The following TMEM132B variants were observed in gnomAD, a reference collection of about 807,000 sequenced individuals.
TMEM132B encodes the protein transmembrane protein 132B.
TMEM132B carries 18 observed loss-of-function variants against 90.8 expected under a neutral mutation model. That is an observed-to-expected ratio of 0.20 (90% CI 0.14 to 0.29). The LOEUF is 0.29. TMEM132B is among the 10% of genes least tolerant of loss of function. The pLI is 1.00. For synonymous variants in TMEM132B, 504 were observed against 523.3 expected (o/e 0.96, Z 0.50); for missense variants, 1,096 against 1,326.8 (o/e 0.83, Z 2.70).
In TMEM132B at chr12:125,576,621, T is replaced by A. The variant is rs1055911197; in HGVS notation, c.1294-7230T>A. On this transcript the variant is annotated intron_variant, in intron 4 of 8. Coordinates refer to ENST00000682704, the MANE Select transcript of TMEM132B (RefSeq NM_001366854.1). Reference sequence around the variant, plus strand: ...TGTTCTCCATAGATGGCCTTTATTATGTTGAGGAAGTTCCCATCAATTCCT... The same window carrying A: ...TGTTCTCCATAGATGGCCTTTATTAAGTTGAGGAAGTTCCCATCAATTCCT... Among the ~76,000 whole-genome samples, 2 of 152,086 alleles carry A rather than the reference T, an allele frequency of 1.3e-5. 1 individual carries two copies. Among genetic ancestry groups the A allele is most frequent in the South Asian group, 4.1e-4 (2 of 4,832 alleles).
rs190696651 is a variant in TMEM132B at position 125,413,655 on chromosome 12, C to T, written c.960-1876C>T. 7.2e-4 allele frequency among the ~76,000 whole-genome samples: 109 copies of T among 152,344 alleles called. 2 individuals are homozygous for T. The highest frequency in any genetic ancestry group is 1.2e-3 in the Admixed American group (19 of 15,304). On this transcript the variant is annotated intron_variant, in intron 2 of 8. Transcript: ENST00000682704. Reference sequence around the variant, plus strand: ...AGCATCACGTTATCGAGGTTCATCACGTAGCATGTGTCAGAACTTCATCCC... The same window carrying T: ...AGCATCACGTTATCGAGGTTCATCATGTAGCATGTGTCAGAACTTCATCCC...
Position 125,213,042 on chromosome 12 carries a change from C to T in TMEM132B, c.67+26176C>T, listed in dbSNP as rs898198887. ...TGTTTGGTTCCAGAGCATTTTCATCCTCCCAAATGGAAGTCCCGTACCCAC... is the reference window on the plus strand; with the variant it reads ...TGTTTGGTTCCAGAGCATTTTCATCTTCCCAAATGGAAGTCCCGTACCCAC... On this transcript the variant is annotated intron_variant, in intron 1 of 8. Coordinates refer to ENST00000682704, the MANE Select transcript of TMEM132B (RefSeq NM_001366854.1). This position sits in a 1 kb window ranked among gnomAD's most constrained non-coding sequence, Gnocchi z 4.2. Among the ~76,000 whole-genome samples, 1 of 152,168 alleles carries T rather than the reference C, an allele frequency of 6.6e-6. No individual in the cohort carries two copies. The highest frequency in any genetic ancestry group is 1.5e-5 in the Non-Finnish European group (1 of 68,018).
chr12:125,190,018 G>GTGC (rs1957787574), intron 1 of TMEM132B, among the ~76,000 whole-genome samples: 1 of 152,204 alleles, frequency 6.6e-6, no homozygotes, highest in Non-Finnish European at 1.5e-5. Flanking sequence ...GGTGACGGGG[G>GTGC]TGCTGCCAAC....
At chr12:125,534,159 C>T (rs1410044943) in intron 4 of TMEM132B, among the ~76,000 whole-genome samples, 1 of 152,164 alleles carries the variant, frequency 6.6e-6, no homozygotes, top group Non-Finnish European at 1.5e-5. Context: ...GACAAATAAT[C>T]TAATATGAAG....
chr12:125,619,803 T>C lies in TMEM132B; in HGVS notation c.1438-24273T>C, dbSNP rs528021256. Among the ~76,000 whole-genome samples, 81 of 152,286 alleles carry C rather than the reference T, an allele frequency of 5.3e-4. 1 individual carries two copies. The highest frequency in any genetic ancestry group is 8.3e-4 in the South Asian group (4 of 4,818). ...CACAATTATTAGAATATTGTAAGCA[T>C]TGCGTCTTCCTGCAAGACAAGAGAG... is the stretch of plus-strand genomic sequence containing the variant. On this transcript the variant is annotated intron_variant, in intron 5 of 8. Transcript: ENST00000682704.
chr12:125,627,123 A>G (rs539342068), intron 5 of TMEM132B, among the ~76,000 whole-genome samples: 1 of 152,084 alleles, frequency 6.6e-6, no homozygotes, highest in African/African-American at 2.4e-5. Context: ...ATGCATTTTT[A>G]TTTCTAGAAT....
At chr12:125,607,931 C>A (rs1285076037) in intron 5 of TMEM132B, among the ~76,000 whole-genome samples, 1 of 152,182 alleles carries the variant, frequency 6.6e-6, no homozygotes, top group Non-Finnish European at 1.5e-5. Flanking sequence ...TAGCAAGTAT[C>A]AGTTTATTCC....
intron 7 of TMEM132B, among the ~76,000 whole-genome samples, chr12:125,651,170 G>A (rs918918825): frequency 1.3e-5 from 2 of 152,182 alleles, no homozygotes; most frequent in African/African-American, 2.4e-5. Context: ...ATTAATTTTT[G>A]TATTTTAGAG....
chr12:125,204,971 G>T (rs1238799350), intron 1 of TMEM132B, among the ~76,000 whole-genome samples: 1 of 121,252 alleles, frequency 8.2e-6, no homozygotes, highest in African/African-American at 3.3e-5. Context: ...AGGGCTCCGT[G>T]TACCAGGCAC....
intron 1 of TMEM132B, among the ~76,000 whole-genome samples, chr12:125,295,441 A>G (rs9651882): frequency 0.14 from 20,718 of 152,026 alleles, 1,583 homozygotes; most frequent in African/African-American, 0.2. Context: ...GTGGTGGCTT[A>G]CAGGAGAGAC....
intron 2 of TMEM132B, among the ~76,000 whole-genome samples, chr12:125,404,383 A>G (rs1366832922): frequency 1.3e-5 from 2 of 152,294 alleles, no homozygotes; most frequent in East Asian, 3.9e-4. Flanking sequence ...GAAGAGGAAT[A>G]GGATCAGGAA....
rs530513821 is a variant in TMEM132B at position 125,238,143 on chromosome 12, T to C, written c.67+51277T>C. On this transcript the variant is annotated intron_variant, in intron 1 of 8. Transcript: ENST00000682704. ...TTTTTTTTCTAAAGGGCCTGACTTC[T>C]GAGGACAAAGATGTTGGGGACATTT... Among the ~76,000 whole-genome samples, 19 of 152,192 alleles carry C rather than the reference T, an allele frequency of 1.2e-4. 1 individual carries two copies. Among genetic ancestry groups the C allele is most frequent in the African/African-American group, 4.6e-4 (19 of 41,540 alleles).
intron 1 of TMEM132B, among the ~76,000 whole-genome samples, chr12:125,289,598 G>A (rs1436509117): frequency 7.2e-5 from 11 of 152,192 alleles, no homozygotes; most frequent in African/African-American, 2.7e-4. Flanking sequence ...TAGTGGCATG[G>A]ATCACACACC....
chr12:125,367,812 C>T (rs1328392172), intron 2 of TMEM132B, among the ~76,000 whole-genome samples: 1 of 152,106 alleles, frequency 6.6e-6, no homozygotes, highest in Non-Finnish European at 1.5e-5. Context: ...TCTCACTCAA[C>T]CATTACCAGA....
chr12:125,326,648 G>A (rs1163551277), intron 1 of TMEM132B: 1 of 1,608,168 alleles, frequency 6.2e-7, no homozygotes, highest in Non-Finnish European at 8.5e-7. Context: ...ATCCAGAATG[G>A]ACACCACTGC....
At chr12:125,379,133 G>A (rs1176915855) in intron 2 of TMEM132B, among the ~76,000 whole-genome samples, 1 of 152,176 alleles carries the variant, frequency 6.6e-6, no homozygotes, top group Non-Finnish European at 1.5e-5. Context: ...CCTTTGGTAG[G>A]CAGAATAATA....
chr12:125,488,624 A>G (rs186704006), intron 3 of TMEM132B, among the ~76,000 whole-genome samples: 121 of 152,256 alleles, frequency 7.9e-4, no homozygotes, highest in Non-Finnish European at 2.4e-4. Flanking sequence ...TCCTGCCATG[A>G]TTGTGAGGCC....
chr12:125,465,895 A>G (rs914672198), intron 3 of TMEM132B, among the ~76,000 whole-genome samples: 1 of 152,102 alleles, frequency 6.6e-6, no homozygotes, highest in Non-Finnish European at 1.5e-5. Context: ...GCCATATAAC[A>G]TTCTGGCTCC....
At chr12:125,592,465 C>T (rs962453869) in intron 5 of TMEM132B, among the ~76,000 whole-genome samples, 1 of 152,108 alleles carries the variant, frequency 6.6e-6, no homozygotes. Context: ...ATTTTAAAGC[C>T]TTCCCTGTCC....
Sources: allele counts gnomAD v4.1 joint callset (sites outside exome capture counted in the v4.1 genomes callset), GRCh38; gene constraint gnomAD v4.1.1; non-coding constraint Gnocchi (gnomAD v3.1); transcripts MANE v1.5; gene names NCBI Gene and HGNC (gene_info 2026-07-23, HGNC 2026-07-21).